The following PACSIN2 variants were observed in gnomAD, a reference collection of about 807,000 sequenced individuals.
PACSIN2 encodes the protein protein kinase C and casein kinase substrate in neurons 2.
PACSIN2 carries 25 observed loss-of-function variants against 63.8 expected under a neutral mutation model. That is an observed-to-expected ratio of 0.39 (90% CI 0.29 to 0.55). PACSIN2 has a LOEUF of 0.55. Among genes scored for constraint, PACSIN2 ranks in the 20% least tolerant of loss-of-function variants. The pLI is 0.62. For synonymous variants in PACSIN2, 255 were observed against 256.2 expected (o/e 1.00, Z 0.05); for missense variants, 518 against 646.9 (o/e 0.80, Z 2.16).
intron 1 of PACSIN2, among the ~76,000 whole-genome samples, chr22:43,007,185 C>A (rs1601623462): frequency 2.0e-5 from 3 of 151,998 alleles, no homozygotes; most frequent in Non-Finnish European, 2.9e-5. Flanking sequence ...GCCTTCCCTG[C>A]CCCTAGCAGC....
intron 1 of PACSIN2, among the ~76,000 whole-genome samples, chr22:42,924,985 C>T (rs1377063883): frequency 2.6e-5 from 4 of 151,726 alleles, no homozygotes; most frequent in Admixed American, 2.0e-4. Flanking sequence ...TCTCGATCTC[C>T]TGACCTCGTG....
Position 42,882,311 on chromosome 22 carries a change from CAG to C in PACSIN2, c.786-9_786-8del. 1 of 1,604,268 alleles carries C rather than the reference CAG, an allele frequency of 6.2e-7. No homozygotes were observed. The highest frequency in any genetic ancestry group is 8.5e-7 in the Non-Finnish European group (1 of 1,174,190). On this transcript the variant is annotated splice_polypyrimidine_tract_variant and splice_region_variant and intron_variant, in intron 6 of 10. Transcript: ENST00000263246. ...ATGGTAAATGGCTTTGTAGCTAAAT[CAG>C]AGAGAAACGTGGCTCTTTTAGAAGG... is the stretch of plus-strand genomic sequence containing the variant.
chr22:43,002,715 T>C (rs984847642), intron 1 of PACSIN2, among the ~76,000 whole-genome samples: 1 of 152,096 alleles, frequency 6.6e-6, no homozygotes, highest in Admixed American at 6.5e-5. Context: ...CAGGAACTAA[T>C]TACACAGATG....
At chr22:42,991,332 C>G (rs566631199) in intron 1 of PACSIN2, among the ~76,000 whole-genome samples, 2 of 152,274 alleles carry the variant, frequency 1.3e-5, no homozygotes, top group South Asian at 4.1e-4. Context: ...TCTCAGCTGG[C>G]TGCAGGTCTC....
At chr22:42,974,175 C>T (rs567051455) in intron 1 of PACSIN2, among the ~76,000 whole-genome samples, 2 of 152,146 alleles carry the variant, frequency 1.3e-5, no homozygotes, top group East Asian at 1.9e-4. Context: ...ATCCCTATGT[C>T]GACTCTGCTT....
At position 42,893,454 on chromosome 22, in the gene PACSIN2, T is replaced by C. The variant is rs753460665; in HGVS notation, c.217+3A>G. The C allele has an allele frequency of 1.2e-6, 2 of 1,611,476 alleles. No homozygotes were observed. Among genetic ancestry groups the C allele is most frequent in the East Asian group, 2.2e-5 (1 of 44,866 alleles). ...CCACAGGACCTGTGCCGGGGCCCCA[T>C]ACCTTTCTCCACGAGCTGCCTCCAG... On this transcript the variant is annotated splice_donor_region_variant and intron_variant, in intron 3 of 10. Transcript: ENST00000263246.
At chr22:42,989,925 T>C (rs1031694030) in intron 1 of PACSIN2, among the ~76,000 whole-genome samples, 11 of 148,770 alleles carry the variant, frequency 7.4e-5, no homozygotes, top group Admixed American at 4.7e-4. Flanking sequence ...TGTGTGTATA[T>C]ATAGGTAAGA....
intron 1 of PACSIN2, among the ~76,000 whole-genome samples, chr22:42,955,682 C>T (rs1933886314): frequency 6.6e-6 from 1 of 152,236 alleles, no homozygotes; most frequent in Admixed American, 6.5e-5. Flanking sequence ...GGTCTTGCCA[C>T]TTTCCTTCAT....
intron 1 of PACSIN2, among the ~76,000 whole-genome samples, chr22:42,963,961 G>A (rs1920933304): frequency 6.6e-6 from 1 of 151,234 alleles, no homozygotes; most frequent in African/African-American, 2.4e-5. Flanking sequence ...CCATTTAAAG[G>A]GCACAATTCA....
At chr22:42,917,051 T>C (rs924859896) in intron 1 of PACSIN2, among the ~76,000 whole-genome samples, 2 of 152,136 alleles carry the variant, frequency 1.3e-5, no homozygotes, top group Non-Finnish European at 2.9e-5. Flanking sequence ...TACCCACCCC[T>C]ATGGCGACTC....
In PACSIN2 at chr22:42,967,658, GC is replaced by G. The variant is rs1185780406; in HGVS notation, c.-78+47362del. 4.6e-5 allele frequency among the ~76,000 whole-genome samples: 7 copies of G among 152,312 alleles called. No homozygotes were observed. In the East Asian group the frequency reaches 1.2e-3, roughly 25 times the overall value. On this transcript the variant is annotated intron_variant, in intron 1 of 10. Transcript: ENST00000263246. ...AATCCCAGCACTTTGGGAGGCCGAG[GC>G]GGGCGGATCACGAGGTCAGGAGATC...
chr22:42,902,764 C>T (rs1366993174), intron 2 of PACSIN2, among the ~76,000 whole-genome samples: 1 of 152,190 alleles, frequency 6.6e-6, no homozygotes, highest in Non-Finnish European at 1.5e-5. Flanking sequence ...CAGACATGCA[C>T]CACCACGCCT....
intron 1 of PACSIN2, among the ~76,000 whole-genome samples, chr22:42,949,247 T>C (rs1356715267): frequency 6.6e-6 from 1 of 152,196 alleles, no homozygotes; most frequent in Non-Finnish European, 1.5e-5. Context: ...AAATGACACA[T>C]TGTATGTGAG....
chr22:42,910,930 A>G (rs1374263806), intron 2 of PACSIN2, among the ~76,000 whole-genome samples: 1 of 150,090 alleles, frequency 6.7e-6, no homozygotes, highest in Non-Finnish European at 1.5e-5. Flanking sequence ...TTTGAGACGG[A>G]GTCTTGCTCT....
intron 2 of PACSIN2, among the ~76,000 whole-genome samples, chr22:42,903,495 C>T (rs750598864): frequency 1.2e-4 from 19 of 152,166 alleles, no homozygotes; most frequent in Non-Finnish European, 2.1e-4. Context: ...CTTTCAGGTG[C>T]CAAACTGCAA....
chr22:42,902,657 G>A (rs1032155025), intron 2 of PACSIN2, among the ~76,000 whole-genome samples: 1 of 152,118 alleles, frequency 6.6e-6, no homozygotes, highest in African/African-American at 2.4e-5. Context: ...CTGGACAGTG[G>A]TGCATCTCAG....
At chr22:42,920,609 C>T (rs954117253) in intron 1 of PACSIN2, among the ~76,000 whole-genome samples, 6 of 151,998 alleles carry the variant, frequency 3.9e-5, no homozygotes, top group African/African-American at 1.5e-4. Context: ...GAAACAAGGC[C>T]GCACCGCCCA....
chr22:42,971,791 G>C (rs1258463462), intron 1 of PACSIN2, among the ~76,000 whole-genome samples: 3 of 151,458 alleles, frequency 2.0e-5, no homozygotes, highest in Non-Finnish European at 3.0e-5. Flanking sequence ...CGCCCCATCC[G>C]GGAGGGAGGT....
chr22:42,987,326 G>A (rs1005227025), intron 1 of PACSIN2, among the ~76,000 whole-genome samples: 1 of 151,702 alleles, frequency 6.6e-6, no homozygotes, highest in Non-Finnish European at 1.5e-5. Context: ...GCTTCCCACA[G>A]ATAAAAATTT....
Sources: allele counts gnomAD v4.1 joint callset (sites outside exome capture counted in the v4.1 genomes callset), GRCh38; gene constraint gnomAD v4.1.1; transcripts MANE v1.5; gene names NCBI Gene and HGNC (gene_info 2026-07-23, HGNC 2026-07-21).